PAWR: variants seen among roughly 807,000 people sequenced by gnomAD.
The protein encoded by PAWR is PRKC apoptosis WT1 regulator protein.
In PAWR, 23 loss-of-function variants were observed where a neutral mutation model predicts 32.0. That is an observed-to-expected ratio of 0.72 (90% CI 0.52 to 1.02). PAWR has a LOEUF of 1.02. Ranked by LOEUF, PAWR falls within the 50% of genes least tolerant of loss-of-function variation. The pLI is 0.00. For missense variants in PAWR, 457 were observed against 437.7 expected, an observed-to-expected ratio of 1.04 and a Z score of -0.39; for synonymous variants, 226 against 187.1, an observed-to-expected ratio of 1.21 and a Z score of -1.70.
intron 4 of PAWR, among the ~76,000 whole-genome samples, chr12:79,605,632 A>G (rs772580201): frequency 6.6e-6 from 1 of 152,166 alleles, no homozygotes; most frequent in Admixed American, 6.5e-5. Context: ...ATTGCCTATT[A>G]TATGTATAAT....
intron 4 of PAWR, among the ~76,000 whole-genome samples, chr12:79,610,383 C>A (rs933927674): frequency 6.6e-6 from 1 of 152,080 alleles, no homozygotes; most frequent in South Asian, 2.1e-4. Context: ...ATTTGCATTT[C>A]GAAAGCAAGC....
At chr12:79,645,635 C>A (rs1160228945) in intron 2 of PAWR, among the ~76,000 whole-genome samples, 1 of 152,214 alleles carries the variant, frequency 6.6e-6, no homozygotes, top group Non-Finnish European at 1.5e-5. Context: ...ACAAAGTCAT[C>A]TTCCTTTAAC....
At position 79,586,615 on chromosome 12, in the gene PAWR, A is replaced by G. The variant is rs1329626077; in HGVS notation, c.*5992T>C. On this transcript the variant is annotated 3_prime_UTR_variant, in exon 7 of 7. Coordinates refer to ENST00000328827, the MANE Select transcript of PAWR (RefSeq NM_002583.4). ...AATAACTGAGCACATATTAACATGA[A>G]TAACATACACAGCAGTCAAAACTTA... The G allele has an allele frequency of 6.6e-6, 1 of 152,246 alleles. No homozygotes were observed. The highest frequency in any genetic ancestry group is 6.5e-5 in the Admixed American group (1 of 15,284). The allele number at this position is 152,246 out of a possible 1,614,324, so 9.4% of individuals were successfully genotyped here.
chr12:79,632,342 TATATATATATATATATA>T lies in PAWR; in HGVS notation c.517-11152_517-11136del, dbSNP rs1566011054. 2.0e-4 allele frequency among the ~76,000 whole-genome samples: 12 copies of T among 60,708 alleles called. 1 individual carries two copies. In the African/African-American group the frequency reaches 2.2e-3, roughly 11 times the overall value. The allele number at this position is 60,708 out of a possible 152,430, so 39.8% of individuals were successfully genotyped here. A position where few individuals can be genotyped will look rare whatever the true frequency, so the allele number is the denominator to read the frequency against. On this transcript the variant is annotated intron_variant, in intron 2 of 6. Coordinates refer to ENST00000328827, the MANE Select transcript of PAWR (RefSeq NM_002583.4). ...ATATATATATATATATATATATATA[TATATATATATATATATA>T]TATTTTTTTTTTTTTTTAGACAGGG...
intron 2 of PAWR, among the ~76,000 whole-genome samples, chr12:79,626,964 C>T (rs1304831745): frequency 6.6e-6 from 1 of 152,112 alleles, no homozygotes; most frequent in African/African-American, 2.4e-5. Context: ...GTGTATATGC[C>T]ACATTTTCTT....
At chr12:79,607,986 T>C (rs574858796) in intron 4 of PAWR, among the ~76,000 whole-genome samples, 1 of 149,406 alleles carries the variant, frequency 6.7e-6, no homozygotes, top group South Asian at 2.1e-4. Flanking sequence ...GAGGCGGAGG[T>C]TGCAGTGAGC....
rs763813527 is a variant in PAWR at position 79,621,184 on chromosome 12, A to G, written c.540T>C (p.Asp180=). 1 of 1,611,294 alleles carries G rather than the reference A, an allele frequency of 6.2e-7. No individual in the cohort carries two copies. Residue 180 remains aspartate (D), a synonymous_variant, in exon 3 of 7, where the codon GAT becomes GAC. Coordinates refer to ENST00000328827, the MANE Select transcript of PAWR (RefSeq NM_002583.4). ...GTTTCCGCTCTTTCTGCCCTGCTTCATCATCTTCGTACTCATCTAAGCACT... is the reference window on the plus strand; with the variant it reads ...GTTTCCGCTCTTTCTGCCCTGCTTCGTCATCTTCGTACTCATCTAAGCACT... ...AAECLDEYED[D]EAGQKERKRE... is the part of the protein sequence containing the mutation.
intron 2 of PAWR, chr12:79,635,516 A>G (rs1875919557): frequency 6.6e-6 from 1 of 152,150 alleles, no homozygotes; most frequent in Non-Finnish European, 1.5e-5. Context: ...CAGGTGAAAA[A>G]TAAGTTTATA....
rs766206970 is a variant in PAWR at position 79,592,618 on chromosome 12, G to C, written c.1012C>G (p.Leu338Val). The change falls in exon 7 of 7, where the codon CTG becomes GTG. Residue 338 changes from leucine (L) to valine (V), a missense_variant. Physicochemically the swap from Leu to Val is conservative, Grantham distance 32. Coordinates refer to ENST00000328827, the MANE Select transcript of PAWR (RefSeq NM_002583.4). ...GAGTCTTGAATCCTCTACCTGGTCA[G>C]CTGACCCACAACTTTCAAAAGAGTT... ...NKTLLKVVGQLTR is the reference protein window; with the variant it reads ...NKTLLKVVGQVTR 2.6e-6 allele frequency: 2 copies of C among 767,522 alleles called. No individual in the cohort carries two copies. Among genetic ancestry groups the C allele is most frequent in the East Asian group, 4.9e-5 (2 of 40,894 alleles). 47.5% of individuals were successfully genotyped at this position (767,522 alleles called of 1,614,324 possible). A position where few individuals can be genotyped will look rare whatever the true frequency, so the allele number is the denominator to read the frequency against.
intron 2 of PAWR, among the ~76,000 whole-genome samples, chr12:79,679,048 C>T (rs1048179576): frequency 3.3e-5 from 5 of 152,110 alleles, no homozygotes; most frequent in African/African-American, 1.2e-4. Flanking sequence ...CAGGTGAAAG[C>T]CACTGTGCCC....
At chr12:79,665,100 A>C (rs1377554831) in intron 2 of PAWR, among the ~76,000 whole-genome samples, 1 of 152,196 alleles carries the variant, frequency 6.6e-6, no homozygotes, top group Admixed American at 6.5e-5. Flanking sequence ...TTAATTTCTG[A>C]GATATGTTTC....
intron 2 of PAWR, among the ~76,000 whole-genome samples, chr12:79,653,210 ATTT>A (rs1489356970): frequency 3.3e-5 from 5 of 151,874 alleles, no homozygotes; most frequent in Non-Finnish European, 7.4e-5. Flanking sequence ...TAATTTTTGT[ATTT>A]TTAGTAGAGA....
At chr12:79,664,040 TAATAA>T (rs1877477680) in intron 2 of PAWR, among the ~76,000 whole-genome samples, 3 of 152,152 alleles carry the variant, frequency 2.0e-5, no homozygotes, top group African/African-American at 7.2e-5. Context: ...AAATAGCTTA[TAATAA>T]AATAGTCCAT....
At chr12:79,651,209 C>T (rs2136797578) in intron 2 of PAWR, among the ~76,000 whole-genome samples, 1 of 152,218 alleles carries the variant, frequency 6.6e-6, no homozygotes, top group East Asian at 1.9e-4. Context: ...CAAAAGGTTA[C>T]ATTTCTAAAC....
chr12:79,598,495 C>A (rs1191928625), intron 4 of PAWR, among the ~76,000 whole-genome samples: 1 of 152,136 alleles, frequency 6.6e-6, no homozygotes, highest in East Asian at 1.9e-4. Flanking sequence ...TGACTGGTAT[C>A]CATTTCCAAT....
chr12:79,632,359 A>T (rs868520220), intron 2 of PAWR, among the ~76,000 whole-genome samples: 1,470 of 16,992 alleles, frequency 0.087, 252 homozygotes, highest in African/African-American at 0.38. Context: ...ATATATATAT[A>T]TATTTTTTTT....
Position 79,588,748 on chromosome 12 carries a change from A to C in PAWR, c.*3859T>G, listed in dbSNP as rs1873460176. ...ATATTCCTCTCACATAGACATAGTT[A>C]TTTTTAGTGGGGATAAGGATATGAC... On this transcript the variant is annotated 3_prime_UTR_variant, in exon 7 of 7. Coordinates refer to ENST00000328827, the MANE Select transcript of PAWR (RefSeq NM_002583.4). 6.6e-6 allele frequency: 1 copy of C among 152,020 alleles called. No individual in the cohort carries two copies. Among genetic ancestry groups the C allele is most frequent in the Admixed American group, 6.6e-5 (1 of 15,260 alleles). 9.4% of individuals were successfully genotyped at this position (152,020 alleles called of 1,614,324 possible).
chr12:79,611,156 T>G (rs928862412), intron 4 of PAWR, among the ~76,000 whole-genome samples: 1 of 146,858 alleles, frequency 6.8e-6, no homozygotes, highest in African/African-American at 2.5e-5. Context: ...ATATATATAT[T>G]TATATAAATC....
intron 2 of PAWR, among the ~76,000 whole-genome samples, chr12:79,674,761 A>G (rs1223659131): frequency 6.6e-6 from 1 of 152,204 alleles, no homozygotes; most frequent in Non-Finnish European, 1.5e-5. Context: ...ATGAACAGAC[A>G]CTTCTCAAAA....
Sources: gnomAD v4.1 joint callset for allele counts (sites outside exome capture counted in the v4.1 genomes callset) on GRCh38, gnomAD v4.1.1 for gene constraint, MANE v1.5 for transcripts, NCBI Gene and HGNC (gene_info 2026-07-23, HGNC 2026-07-21) for gene names.